The following CEP152 variants were observed in gnomAD, a reference collection of about 807,000 sequenced individuals.
The protein encoded by CEP152 is centrosomal protein 152, also known as centrosomal protein of 152 kDa.
A neutral mutation model predicts 188.9 loss-of-function variants in CEP152; 132 were observed. That is an observed-to-expected ratio of 0.70 (90% CI 0.61 to 0.81). The LOEUF (loss-of-function observed/expected upper bound fraction) is 0.81, where lower values mean the gene tolerates loss of function less well. Among genes scored for constraint, CEP152 ranks in the 30% least tolerant of loss-of-function variants. The pLI is 0.00. For synonymous variants in CEP152, 649 were observed against 666.6 expected, an observed-to-expected ratio of 0.97 and a Z score of 0.41; for missense variants, 1,914 against 1,969.8, an observed-to-expected ratio of 0.97 and a Z score of 0.54.
intron 10 of CEP152, 37 bp from the exon 11 acceptor site, chr15:48,782,267 T>A: frequency 6.4e-7 from 1 of 1,572,454 alleles, no homozygotes; most frequent in Non-Finnish European, 8.7e-7. Context: ...ACTGAAAAAA[T>A]TAAGGGGACA....
rs369234041 is a variant in CEP152 at position 48,806,726 on chromosome 15, T to C, written c.-7-1070A>G. On this transcript the variant is annotated intron_variant, in intron 1 of 26. Coordinates refer to ENST00000380950, the MANE Select transcript of CEP152 (RefSeq NM_001194998.2). ...ATACGAACTATATCACAAACTTTTG[T>C]GGAAGCCAATAGCTCTAGAGCAGAC... Among the ~76,000 whole-genome samples the C allele has an allele frequency of 2.2e-4, 33 of 152,370 alleles. No homozygotes were observed. The East Asian group carries it at 6.4e-3, about 29-fold the overall frequency.
intron 19 of CEP152, 127 bp from the exon 20 acceptor site, chr15:48,756,680 T>A: frequency 1.2e-6 from 1 of 841,422 alleles, no homozygotes; most frequent in Non-Finnish European, 1.8e-6. Flanking sequence ...AAAGGAAACA[T>A]GATTTTAGAT....
intron 13 of CEP152, 41 bp from the exon 14 acceptor site, chr15:48,769,122 A>C (rs1295013406): frequency 6.5e-7 from 1 of 1,536,480 alleles, no homozygotes; most frequent in African/African-American, 1.4e-5. Flanking sequence ...GTTTTAAAAA[A>C]TTCTAAGTTT....
chr15:48,793,576 A>G, intron 6 of CEP152, 115 bp from the exon 7 acceptor site: 1 of 861,176 alleles, frequency 1.2e-6, no homozygotes, highest in Non-Finnish European at 1.8e-6. Context: ...CATGAAATCA[A>G]TTCAGTGAAT....
chr15:48,797,194 T>C, intron 5 of CEP152, 107 bp downstream of exon 5: 10 of 1,313,836 alleles, frequency 7.6e-6, no homozygotes, highest in Non-Finnish European at 1.1e-5. Flanking sequence ...TTCGTGTGGT[T>C]AAATCATCTT....
Position 48,810,979 on chromosome 15 carries a change from T to A in CEP152, c.-26A>T, listed in dbSNP as rs35871801. ...AACTTACCGGAGGCCACGGAGGCTG[T>A]TACCGCGAGGAAACTCTAGTCCTGG... On this transcript the variant is annotated 5_prime_UTR_variant, in exon 1 of 27. Transcript: ENST00000380950. 0.12 allele frequency: 18,755 copies of A among 152,556 alleles called. 1,547 individuals carry two copies. Among genetic ancestry groups the A allele is most frequent in the Middle Eastern group, 0.18 (52 of 294 alleles). 9.5% of individuals were successfully genotyped at this position (152,556 alleles called of 1,614,324 possible).
At chr15:48,796,310 A>T in intron 5 of CEP152, 150 bp from the exon 6 acceptor site, 1 of 688,842 alleles carries the variant, frequency 1.5e-6, no homozygotes, top group Non-Finnish European at 2.5e-6. Flanking sequence ...ACACACACAC[A>T]CACACACACA....
intron 2 of CEP152, among the ~76,000 whole-genome samples, chr15:48,799,754 T>A (rs1055853115): frequency 6.6e-6 from 1 of 152,156 alleles, no homozygotes; most frequent in Non-Finnish European, 1.5e-5. Flanking sequence ...GTACAAGACA[T>A]GCCTCAAATG....
chr15:48,771,852 A>G (rs1242789016), intron 13 of CEP152, among the ~76,000 whole-genome samples: 1 of 152,228 alleles, frequency 6.6e-6, no homozygotes, highest in Non-Finnish European at 1.5e-5. Flanking sequence ...GCAAAGCTTC[A>G]TTTATAATAA....
intron 22 of CEP152, 142 bp downstream of exon 22, chr15:48,748,301 A>T (rs1470774902): frequency 7.8e-7 from 1 of 1,280,034 alleles, no homozygotes; most frequent in Non-Finnish European, 9.9e-7. Context: ...TAATAATTTG[A>T]TTAGTAAAAA....
downstream of CEP152, among the ~76,000 whole-genome samples, chr15:48,734,396 TA>T (rs571173931): frequency 1.2e-3 from 167 of 134,858 alleles, no homozygotes; most frequent in Non-Finnish European, 1.7e-3. Flanking sequence ...GAAAAATAGC[TA>T]AAAAAAAAAA....
intron 18 of CEP152, 65 bp downstream of exon 18, chr15:48,762,326 T>G (rs1370040513): frequency 7.2e-7 from 1 of 1,387,362 alleles, no homozygotes; most frequent in Non-Finnish European, 1.0e-6. Context: ...ATGATAGCAT[T>G]GTATGGGTTT....
At chr15:48,777,143 G>C (rs919047355) in intron 12 of CEP152, among the ~76,000 whole-genome samples, 2 of 152,114 alleles carry the variant, frequency 1.3e-5, no homozygotes, top group African/African-American at 4.8e-5. Context: ...GGGGTAGCCT[G>C]GTTGGGATCC....
At chr15:48,794,822 A>G (rs1033018037) in intron 6 of CEP152, among the ~76,000 whole-genome samples, 3 of 152,206 alleles carry the variant, frequency 2.0e-5, no homozygotes, top group African/African-American at 4.8e-5. Flanking sequence ...TCATTCCACA[A>G]AAAACTTAAG....
intron 22 of CEP152, among the ~76,000 whole-genome samples, chr15:48,746,515 C>A (rs887651774): frequency 2.6e-5 from 4 of 152,098 alleles, no homozygotes; most frequent in Non-Finnish European, 5.9e-5. Flanking sequence ...AAATGAATTG[C>A]AGTTGTTAAA....
At chr15:48,742,931 T>C (rs1439130786) in intron 24 of CEP152, among the ~76,000 whole-genome samples, 1 of 152,150 alleles carries the variant, frequency 6.6e-6, no homozygotes, top group Non-Finnish European at 1.5e-5. Flanking sequence ...ATCTGAAAAT[T>C]AGTGGTTCTA....
At chr15:48,769,171 C>G in intron 13 of CEP152, 90 bp from the exon 14 acceptor site, 1 of 1,066,998 alleles carries the variant, frequency 9.4e-7, no homozygotes, top group Non-Finnish European at 1.4e-6. Context: ...AAATTGCAAA[C>G]AGTACAAATA....
chr15:48,769,821 A>G (rs1895399064), intron 13 of CEP152, among the ~76,000 whole-genome samples: 1 of 152,180 alleles, frequency 6.6e-6, no homozygotes, highest in Non-Finnish European at 1.5e-5. Flanking sequence ...AAGACTCATG[A>G]TAGACTTTGG....
rs533573715 is a variant in CEP152, at chr15:48,752,362, T to G, written c.3453A>C (p.Thr1151=). The stretch of plus-strand genomic sequence containing the variant: ...AAATCCAATTACCAGCTTCTGCTTC[T>G]GTTGCTTGTAAGGCCAAGGGCTGAG... The part of the protein sequence containing the change: ...HHAQPLALQA[T]EAEADKKKVL... The change falls in exon 21 of 27, where the codon ACA becomes ACC. Residue 1151 remains threonine, a synonymous_variant. Transcript: ENST00000380950. The G allele has an allele frequency of 2.9e-5, 47 of 1,614,114 alleles. No individual in the cohort carries two copies. In the South Asian group the frequency reaches 4.8e-4, roughly 17 times the overall value.
Sources: gnomAD v4.1 joint callset for allele counts (sites outside exome capture counted in the v4.1 genomes callset) on GRCh38, gnomAD v4.1.1 for gene constraint, MANE v1.5 for transcripts, NCBI Gene and HGNC (gene_info 2026-07-23, HGNC 2026-07-21) for gene names.